Variants in HDX observed in about 807,000 individuals in gnomAD.
The protein encoded by HDX is chromosome X open reading frame 43.
In HDX, 19 loss-of-function variants were observed where a neutral mutation model predicts 45.2. The ratio of observed to expected loss-of-function variants is 0.42; its 90% CI spans 0.29 to 0.62. The LOEUF is 0.62. HDX is among the 20% of genes least tolerant of loss of function. The pLI is 0.20. For synonymous variants in HDX, 188 were observed against 172.8 expected (o/e 1.09, Z -0.69); for missense variants, 532 against 493.9 (o/e 1.08, Z -0.73).
chrX:84,493,408 C>A (rs889341781), intron 1 of HDX, among the ~76,000 whole-genome samples: 3 of 111,841 alleles, frequency 2.7e-5, no homozygotes, highest in Non-Finnish European at 5.6e-5. Context: ...TGTTCACTGA[C>A]CTCGCTTTAA....
chrX:84,425,176 C>G (rs2039356591), intron 5 of HDX, among the ~76,000 whole-genome samples: 1 of 111,256 alleles, frequency 9.0e-6, no homozygotes, highest in African/African-American at 3.3e-5. Context: ...CAGTGTTTCT[C>G]AAAAGAAGAC....
chrX:84,409,335 A>C (rs1442836922), intron 5 of HDX, among the ~76,000 whole-genome samples: 1 of 111,222 alleles, frequency 9.0e-6, no homozygotes, highest in Non-Finnish European at 1.9e-5. Flanking sequence ...GGGATCGAGA[A>C]CTAGAAATAC....
rs754385225 is a variant in HDX, at chrX:84,326,268, G to A, written c.1857C>T (p.Leu619=). The A allele has an allele frequency of 4.4e-5, 52 of 1,188,282 alleles. No homozygotes were observed. The highest frequency in any genetic ancestry group is 5.9e-5 in the Non-Finnish European group (52 of 876,506). ...NEEVKFIENE[L]EIQKQKYFKL... is the part of the protein sequence containing the mutation. ...TAAAGTATTTTTGCTTTTGAATCTC[G>A]AGCTCATTTTCAATGAATTTGACTT... Residue 619 remains leucine (L), a synonymous_variant, in exon 10 of 11, where the codon CTC becomes CTT. Transcript: ENST00000373177.
chrX:84,334,082 T>A (rs1483797240), intron 8 of HDX, among the ~76,000 whole-genome samples: 1 of 111,270 alleles, frequency 9.0e-6, no homozygotes, highest in Non-Finnish European at 1.9e-5. Context: ...ATAGAAAATG[T>A]CTTTCTACAA....
At chrX:84,448,409 G>A (rs2039921542) in intron 4 of HDX, among the ~76,000 whole-genome samples, 1 of 110,786 alleles carries the variant, frequency 9.0e-6, no homozygotes, top group Non-Finnish European at 1.9e-5. Context: ...GGGGCCCAAG[G>A]ACAAGCAGAC....
At chrX:84,497,058 C>T (rs773970915) in intron 1 of HDX, among the ~76,000 whole-genome samples, 2 of 111,672 alleles carry the variant, frequency 1.8e-5, no homozygotes, top group Admixed American at 1.9e-4. Context: ...GTTCCCACCT[C>T]GCTCTTACTC....
chrX:84,495,331 T>C (rs976078310), intron 1 of HDX, among the ~76,000 whole-genome samples: 8 of 111,368 alleles, frequency 7.2e-5, no homozygotes, highest in African/African-American at 2.6e-4. Context: ...TGAAAATTGC[T>C]AAGAGAGTGG....
chrX:84,492,041 T>A (rs925039005), intron 1 of HDX, among the ~76,000 whole-genome samples: 2 of 111,104 alleles, frequency 1.8e-5, no homozygotes, highest in African/African-American at 6.6e-5. Flanking sequence ...TTCTCTCCAG[T>A]ACACTGTTCC....
chrX:84,432,992 C>A (rs1049579026), intron 5 of HDX, among the ~76,000 whole-genome samples: 3 of 110,883 alleles, frequency 2.7e-5, no homozygotes, highest in Non-Finnish European at 5.7e-5. Flanking sequence ...TGAGAAATAT[C>A]TTTTCAGGTT....
At chrX:84,452,417 C>CA (rs1196380925) in intron 4 of HDX, among the ~76,000 whole-genome samples, 1 of 108,005 alleles carries the variant, frequency 9.3e-6, no homozygotes, top group Non-Finnish European at 1.9e-5. Context: ...ACAATAACTA[C>CA]AAAAAATAGC....
intron 4 of HDX, among the ~76,000 whole-genome samples, chrX:84,464,867 C>T (rs1442991197): frequency 9.0e-6 from 1 of 111,726 alleles, no homozygotes. Context: ...GCAAAAGAAA[C>T]TATCATCAGA....
At chrX:84,365,971 A>G (rs1325696220) in intron 5 of HDX, among the ~76,000 whole-genome samples, 2 of 111,886 alleles carry the variant, frequency 1.8e-5, no homozygotes, top group Non-Finnish European at 3.8e-5. Flanking sequence ...ATAGTATTGG[A>G]AGTTCTGGCC....
At chrX:84,447,308 G>A (rs1437909213) in intron 4 of HDX, among the ~76,000 whole-genome samples, 1 of 111,533 alleles carries the variant, frequency 9.0e-6, no homozygotes, top group Non-Finnish European at 1.9e-5. Context: ...TAATAGAGAA[G>A]GCTGGAATTC....
intron 3 of HDX, among the ~76,000 whole-genome samples, chrX:84,474,120 G>A (rs2040501964): frequency 9.0e-6 from 1 of 111,055 alleles, no homozygotes; most frequent in Non-Finnish European, 1.9e-5. Flanking sequence ...GCGAAACCCC[G>A]TCTTTACTAA....
intron 3 of HDX, among the ~76,000 whole-genome samples, chrX:84,473,118 A>ACTTCTTTCCCTTTTTTTATATCTC (rs2040482549): frequency 9.4e-6 from 1 of 106,501 alleles, no homozygotes. Flanking sequence ...CTGTCTCTAA[A>ACTTCTTTCCCTTTTTTTATATCTC]CTTCTTTCCC....
At chrX:84,467,521 G>C (rs1367860478) in intron 4 of HDX, among the ~76,000 whole-genome samples, 1 of 109,561 alleles carries the variant, frequency 9.1e-6, no homozygotes, top group African/African-American at 3.3e-5. Context: ...CAGCTACTCG[G>C]GAGGCTGAGG....
intron 2 of HDX, among the ~76,000 whole-genome samples, chrX:84,483,236 T>C (rs1182996695): frequency 2.7e-5 from 3 of 111,460 alleles, no homozygotes; most frequent in Non-Finnish European, 5.7e-5. Context: ...ACAGCTCCAC[T>C]ATCTGTGTTG....
chrX:84,365,126 T>C (rs2037718805), intron 5 of HDX, among the ~76,000 whole-genome samples: 1 of 110,322 alleles, frequency 9.1e-6, no homozygotes, highest in Non-Finnish European at 1.9e-5. Context: ...AGATGTGAGA[T>C]TGGTGGATAA....
rs749776181 is a variant in HDX at position 84,404,347 on chromosome X, G to T, written c.1305+36185C>A. Among the ~76,000 whole-genome samples the T allele has an allele frequency of 7.2e-5, 8 of 111,337 alleles. No individual in the cohort carries two copies. In the East Asian group the frequency reaches 2.3e-3, roughly 31 times the overall value. ...CTGTTTTCTTAATATTATTAATATA[G>T]CTGTGTCACATCTGTAGGATATTAC... On this transcript the variant is annotated intron_variant, in intron 5 of 10. Coordinates refer to ENST00000373177, the MANE Select transcript of HDX (RefSeq NM_001177479.2).
Sources: allele counts gnomAD v4.1 joint callset (sites outside exome capture counted in the v4.1 genomes callset), GRCh38; gene constraint gnomAD v4.1.1; transcripts MANE v1.5; gene names NCBI Gene and HGNC (gene_info 2026-07-23, HGNC 2026-07-21).